The following TCF4 variants were observed in gnomAD, a reference collection of about 807,000 sequenced individuals.
TCF4 encodes the protein transcription factor 4.
TCF4 carries 3 observed loss-of-function variants against 82.1 expected under a neutral mutation model. That is an observed-to-expected ratio of 0.04 (90% confidence interval 0.02 to 0.09). TCF4 has a LOEUF of 0.09. Ranked by LOEUF, TCF4 falls within the 10% of genes least tolerant of loss-of-function variation. TCF4 has a pLI of 1.00. For missense variants in TCF4, 518 were observed against 852.7 expected (o/e 0.61, Z 4.89); for synonymous variants, 276 against 309.6 (o/e 0.89, Z 1.14).
chr18:55,330,686 C>T (rs990510201), intron 8 of TCF4, among the ~76,000 whole-genome samples: 3 of 152,116 alleles, frequency 2.0e-5, no homozygotes, highest in Non-Finnish European at 4.4e-5. Context: ...TTGCCTCAGC[C>T]TCCTGAGTGG....
intron 2 of TCF4, chr18:55,585,926 C>T (rs776666932): frequency 1.6e-6 from 2 of 1,254,426 alleles, no homozygotes; most frequent in Non-Finnish European, 2.0e-6. Context: ...TATTTCGACC[C>T]TAATTGGTTT....
intron 6 of TCF4, chr18:55,401,340 A>G (rs750205611): frequency 7.6e-5 from 87 of 1,151,902 alleles, no homozygotes; most frequent in Non-Finnish European, 9.2e-5. Flanking sequence ...GCACAGAGAT[A>G]GTAGACTCTT....
intron 8 of TCF4, among the ~76,000 whole-genome samples, chr18:55,286,956 C>T (rs1225380916): frequency 6.6e-6 from 1 of 152,106 alleles, no homozygotes; most frequent in Admixed American, 6.5e-5. Context: ...AATTGTGACA[C>T]TTTTATTCTA....
At chr18:55,284,496 C>T (rs912528481) in intron 8 of TCF4, 1 of 152,096 alleles carries the variant, frequency 6.6e-6, no homozygotes, top group African/African-American at 2.4e-5. Context: ...AACCTGCTTC[C>T]TGAAGGGGAA....
chr18:55,342,750 G>A (rs554000812), intron 8 of TCF4, among the ~76,000 whole-genome samples: 10 of 151,982 alleles, frequency 6.6e-5, no homozygotes, highest in Non-Finnish European at 1.0e-4. Context: ...CTTCAAGTTC[G>A]TTTCATAAAA....
At chr18:55,393,677 T>C (rs2093318725) in intron 6 of TCF4, among the ~76,000 whole-genome samples, 4 of 152,208 alleles carry the variant, frequency 2.6e-5, no homozygotes, top group Admixed American at 2.6e-4. Context: ...GCAATTTGCA[T>C]AATTTTTTTA....
At chr18:55,439,244 C>A (rs2095391703) in intron 5 of TCF4, among the ~76,000 whole-genome samples, 1 of 152,106 alleles carries the variant, frequency 6.6e-6, no homozygotes, top group Non-Finnish European at 1.5e-5. Flanking sequence ...GTTTGCAGCA[C>A]AGGGGATGGA....
chr18:55,335,645 GTTC>G, intron 8 of TCF4, among the ~76,000 whole-genome samples: 1 of 152,164 alleles, frequency 6.6e-6, no homozygotes, highest in African/African-American at 2.4e-5. Context: ...TCTTGTATTT[GTTC>G]TTCTTACAGT....
intron 2 of TCF4, among the ~76,000 whole-genome samples, chr18:55,621,871 CTATATATAATATATACAT>C (rs1201422030): frequency 2.0e-5 from 2 of 102,332 alleles, no homozygotes; most frequent in African/African-American, 4.0e-5. Flanking sequence ...TATATATACA[CTATATATAATATATACAT>C]TATATATTAT....
At chr18:55,496,471 C>T (rs2096637614) in intron 3 of TCF4, 1 of 150,612 alleles carries the variant, frequency 6.6e-6, no homozygotes, top group Non-Finnish European at 1.5e-5. Flanking sequence ...AATAGGCATA[C>T]AGCATAATCT....
chr18:55,369,858 G>T (rs2088435463), intron 6 of TCF4, among the ~76,000 whole-genome samples: 1 of 152,222 alleles, frequency 6.6e-6, no homozygotes, highest in East Asian at 1.9e-4. Context: ...TCAATCTGCA[G>T]AAAGGAGCTG....
At chr18:55,284,576 A>G (rs919164652) in intron 8 of TCF4, among the ~76,000 whole-genome samples, 4 of 152,182 alleles carry the variant, frequency 2.6e-5, no homozygotes, top group Admixed American at 6.5e-5. Flanking sequence ...GGTGGTAGCC[A>G]CCTGATTGTC....
At chr18:55,341,335 C>T (rs2079912023) in intron 8 of TCF4, among the ~76,000 whole-genome samples, 1 of 152,180 alleles carries the variant, frequency 6.6e-6, no homozygotes, top group Non-Finnish European at 1.5e-5. Context: ...TAGTACCCAT[C>T]TCACAGGATT....
chr18:55,367,809 A>C (rs976341306), intron 6 of TCF4, among the ~76,000 whole-genome samples: 1 of 152,236 alleles, frequency 6.6e-6, no homozygotes, highest in African/African-American at 2.4e-5. Flanking sequence ...AATGTGCAAA[A>C]ATGAATGATT....
At chr18:55,251,013 A>G (rs2054895490) in intron 15 of TCF4, among the ~76,000 whole-genome samples, 1 of 152,202 alleles carries the variant, frequency 6.6e-6, no homozygotes, top group African/African-American at 2.4e-5. Flanking sequence ...TACAGAGATA[A>G]GCAGATAGGG....
intron 3 of TCF4, among the ~76,000 whole-genome samples, chr18:55,479,727 C>T (rs781220608): frequency 5.3e-5 from 8 of 152,160 alleles, no homozygotes; most frequent in Non-Finnish European, 8.8e-5. Flanking sequence ...AGCCCACCCA[C>T]GTTGCTCTGT....
chr18:55,425,525 A>AG (rs1825188242), intron 5 of TCF4, among the ~76,000 whole-genome samples: 2 of 151,422 alleles, frequency 1.3e-5, no homozygotes, highest in South Asian at 4.2e-4. Flanking sequence ...GGAAAAAAAA[A>AG]AACAGAAAAC....
At chr18:55,515,135 A>C (rs2096868718) in intron 3 of TCF4, among the ~76,000 whole-genome samples, 1 of 152,192 alleles carries the variant, frequency 6.6e-6, no homozygotes, top group Non-Finnish European at 1.5e-5. Flanking sequence ...TCAGCCCTGT[A>C]TCCCAACACT....
intron 6 of TCF4, among the ~76,000 whole-genome samples, chr18:55,364,376 T>A (rs758640122): frequency 7.9e-5 from 12 of 152,214 alleles, no homozygotes; most frequent in Non-Finnish European, 1.2e-4. Flanking sequence ...TTTTTAAAAG[T>A]AGCTTCTGTA....
Sources: allele counts gnomAD v4.1 joint callset (sites outside exome capture counted in the v4.1 genomes callset), GRCh38; gene constraint gnomAD v4.1.1; transcripts MANE v1.5; gene names NCBI Gene and HGNC (gene_info 2026-07-23, HGNC 2026-07-21).